The following ELMO1 variants were observed in gnomAD, a reference collection of about 807,000 sequenced individuals.
ELMO1 encodes engulfment and cell motility protein 1.
Under a neutral mutation model 98.9 loss-of-function variants are expected in ELMO1, and 26 were observed. That is an observed-to-expected ratio of 0.26 (90% CI 0.19 to 0.36). The LOEUF (loss-of-function observed/expected upper bound fraction) is 0.36, where lower values mean the gene tolerates loss of function less well. Ranked by LOEUF, ELMO1 falls within the 10% of genes least tolerant of loss-of-function variation. ELMO1 has a pLI of 1.00. For synonymous variants in ELMO1, 346 were observed against 346.0 expected, an observed-to-expected ratio of 1.00 and a Z score of 0.00; for missense variants, 627 against 935.2, an observed-to-expected ratio of 0.67 and a Z score of 4.30.
rs6957997 is a variant in ELMO1, at chr7:37,095,874, C to T, written c.1300+745G>A. Among the ~76,000 whole-genome samples, 11 of 152,038 alleles carry T rather than the reference C, an allele frequency of 7.2e-5. No individual in the cohort carries two copies. In the East Asian group the frequency reaches 1.2e-3, roughly 16 times the overall value. On this transcript the variant is annotated intron_variant, in intron 15 of 21. Transcript: ENST00000310758. ...TGGTGCTCATGTTATTAAGCCTGTG[C>T]GGAAAGATTTATATGTGTGCTGGCT...
chr7:36,947,478 C>T (rs1787594828), intron 16 of ELMO1, among the ~76,000 whole-genome samples: 1 of 152,158 alleles, frequency 6.6e-6, no homozygotes, highest in Non-Finnish European at 1.5e-5. Flanking sequence ...GATCCCACAT[C>T]TTAAACACGT....
intron 13 of ELMO1, among the ~76,000 whole-genome samples, chr7:37,135,111 T>A (rs532684075): frequency 6.6e-6 from 1 of 152,176 alleles, no homozygotes; most frequent in Non-Finnish European, 1.5e-5. Context: ...TGATCTGAAC[T>A]CTCCATCTAC....
rs373214938 is a variant in ELMO1 at position 37,235,874 on chromosome 7, C to T, written c.450-2680G>A. On this transcript the variant is annotated intron_variant, in intron 7 of 21. Transcript: ENST00000310758. The stretch of plus-strand genomic sequence containing the variant: ...GGTGGAGGCTGCAGTGAGCCAAGAT[C>T]GTGCCATTGCACTCCAGCCTGGGCG... Among the ~76,000 whole-genome samples, 27 of 152,268 alleles carry T rather than the reference C, an allele frequency of 1.8e-4. No individual in the cohort carries two copies. In the East Asian group the frequency reaches 4.4e-3, roughly 25 times the overall value.
chr7:36,984,862 T>C (rs1791380050), intron 16 of ELMO1: 3 of 967,234 alleles, frequency 3.1e-6, no homozygotes, highest in Non-Finnish European at 3.7e-6. Flanking sequence ...TAGGCAGAGA[T>C]AGAAGCCCCA....
intron 1 of ELMO1, among the ~76,000 whole-genome samples, chr7:37,368,778 G>A (rs1801999414): frequency 6.6e-6 from 1 of 152,116 alleles, no homozygotes; most frequent in Non-Finnish European, 1.5e-5. Context: ...CAGAGCTCAG[G>A]GGAACTTTGT....
At chr7:37,251,128 T>C (rs1795325983) in intron 6 of ELMO1, among the ~76,000 whole-genome samples, 2 of 152,226 alleles carry the variant, frequency 1.3e-5, no homozygotes, top group Admixed American at 1.3e-4. Flanking sequence ...GTATTTTTTA[T>C]GACATTGGAC....
intron 15 of ELMO1, among the ~76,000 whole-genome samples, chr7:37,066,040 C>A (rs1452999954): frequency 6.6e-6 from 1 of 152,192 alleles, no homozygotes. Context: ...TTCCCTTGCA[C>A]AAGCTCTCTT....
At chr7:36,890,873 C>T (rs569931980) in intron 17 of ELMO1, among the ~76,000 whole-genome samples, 18 of 152,280 alleles carry the variant, frequency 1.2e-4, no homozygotes, top group East Asian at 1.9e-4. Context: ...CCTCACCTTC[C>T]GTTGCTCTCT....
At chr7:37,367,662 G>A (rs991649858) in intron 1 of ELMO1, among the ~76,000 whole-genome samples, 6 of 152,108 alleles carry the variant, frequency 3.9e-5, no homozygotes, top group South Asian at 2.1e-4. Context: ...AATATCACCC[G>A]TGTGTGGTAG....
At chr7:37,002,139 A>G (rs930108138) in intron 16 of ELMO1, 5 of 152,076 alleles carry the variant, frequency 3.3e-5, no homozygotes, top group Non-Finnish European at 7.4e-5. Context: ...CGCTCCATAT[A>G]TCTCATTTTG....
At chr7:37,397,704 T>C (rs1803356654) in intron 1 of ELMO1, among the ~76,000 whole-genome samples, 1 of 152,206 alleles carries the variant, frequency 6.6e-6, no homozygotes, top group East Asian at 1.9e-4. Context: ...TGCATGCATA[T>C]GTTCACTGCA....
chr7:37,412,201 A>G (rs1445729607), intron 1 of ELMO1, among the ~76,000 whole-genome samples: 1 of 152,232 alleles, frequency 6.6e-6, no homozygotes, highest in Non-Finnish European at 1.5e-5. Context: ...CTTCAAAGGA[A>G]CAACTGAACT....
At chr7:37,298,266 C>T (rs1292400592) in intron 4 of ELMO1, among the ~76,000 whole-genome samples, 4 of 134,114 alleles carry the variant, frequency 3.0e-5, no homozygotes, top group South Asian at 2.5e-4. Flanking sequence ...AGTAGGTGGA[C>T]AAGACTAGGA....
intron 15 of ELMO1, among the ~76,000 whole-genome samples, chr7:37,093,786 C>T (rs1333548982): frequency 6.6e-6 from 1 of 152,184 alleles, no homozygotes; most frequent in Non-Finnish European, 1.5e-5. Context: ...CTCATCTGGG[C>T]ATGTAGGCTT....
At chr7:37,016,003 C>T (rs1318749749) in intron 15 of ELMO1, among the ~76,000 whole-genome samples, 3 of 152,192 alleles carry the variant, frequency 2.0e-5, no homozygotes, top group African/African-American at 7.2e-5. Flanking sequence ...GGGCAATGAG[C>T]GGTTGGTCTC....
intron 15 of ELMO1, among the ~76,000 whole-genome samples, chr7:37,044,664 T>C (rs1795703223): frequency 6.6e-6 from 1 of 152,196 alleles, no homozygotes; most frequent in Non-Finnish European, 1.5e-5. Flanking sequence ...CTCCAACACC[T>C]GTTCTCACTC....
At chr7:37,403,019 C>T (rs1803599949) in intron 1 of ELMO1, among the ~76,000 whole-genome samples, 1 of 152,176 alleles carries the variant, frequency 6.6e-6, no homozygotes, top group Non-Finnish European at 1.5e-5. Flanking sequence ...ATTCTTCTTC[C>T]TATTTACCAA....
chr7:37,045,630 G>A (rs945216573), intron 15 of ELMO1, among the ~76,000 whole-genome samples: 1 of 152,050 alleles, frequency 6.6e-6, no homozygotes, highest in African/African-American at 2.4e-5. Flanking sequence ...TTGAACTTGG[G>A]AGGAAGAAGA....
intron 15 of ELMO1, among the ~76,000 whole-genome samples, chr7:37,061,635 A>C (rs1562975225): frequency 6.6e-6 from 1 of 152,218 alleles, no homozygotes; most frequent in Non-Finnish European, 1.5e-5. Context: ...TAAGCAGCCA[A>C]TAAAAGAATC....
Sources: gnomAD v4.1 joint callset for allele counts (sites outside exome capture counted in the v4.1 genomes callset) on GRCh38, gnomAD v4.1.1 for gene constraint, MANE v1.5 for transcripts, NCBI Gene and HGNC (gene_info 2026-07-23, HGNC 2026-07-21) for gene names.